CFAP300: variants seen among roughly 807,000 people sequenced by gnomAD.
The protein encoded by CFAP300 is cilia and flagella associated protein 300, also known as cilia- and flagella-associated protein 300.
In CFAP300, 32 loss-of-function variants were observed where a neutral mutation model predicts 33.0. The ratio of observed to expected loss-of-function variants is 0.97; its 90% CI spans 0.73 to 1.30. CFAP300 has a LOEUF of 1.30. CFAP300 is among the 50% of genes most tolerant of loss of function. The probability of loss-of-function intolerance (pLI) is 0.00; values close to 1 mark genes in which losing one functional copy is unlikely to be tolerated. For missense variants in CFAP300, 356 were observed against 318.1 expected (o/e 1.12, Z -0.90); for synonymous variants, 102 against 106.8 (o/e 0.95, Z 0.28).
At chr11:102,082,847 A>C (rs953075828) in intron 6 of CFAP300, among the ~76,000 whole-genome samples, 1 of 152,128 alleles carries the variant, frequency 6.6e-6, no homozygotes, top group Non-Finnish European at 1.5e-5. Flanking sequence ...AAACACAAAA[A>C]TTAGCTGGGC....
In CFAP300 at chr11:102,075,833, C is replaced by G. The variant is rs772384023; in HGVS notation, c.436-40C>G. The G allele has an allele frequency of 3.4e-6, 5 of 1,467,560 alleles. 1 individual carries two copies. The South Asian group carries it at 6.4e-5, about 19-fold the overall frequency. The allele number at this position is 1,467,560 out of a possible 1,614,324, so 90.9% of individuals were successfully genotyped here. ...AACCTTTGAAAACAAAAGTAAAAAT[C>G]TTGAGTTATGTTACATTAAGATGAA... On this transcript the variant is annotated intron_variant, in intron 4 of 6. Transcript: ENST00000434758.
intron 3 of CFAP300, among the ~76,000 whole-genome samples, chr11:102,060,144 G>A (rs555784849): frequency 2.0e-5 from 3 of 152,194 alleles, no homozygotes; most frequent in Admixed American, 2.0e-4. Context: ...GCTAATTTTT[G>A]TGTTTTTAGT....
At chr11:102,061,651 GAATA>G (rs1421354130) in intron 3 of CFAP300, among the ~76,000 whole-genome samples, 1 of 152,164 alleles carries the variant, frequency 6.6e-6, no homozygotes, top group Non-Finnish European at 1.5e-5. Context: ...TTTTACAAAT[GAATA>G]GTCAGAGGCA....
In CFAP300 at chr11:102,081,216, G is replaced by A; in HGVS notation, c.610G>A (p.Val204Ile). The A allele has an allele frequency of 6.2e-7, 1 of 1,603,770 alleles. No homozygotes were observed. The highest frequency in any genetic ancestry group is 1.7e-5 in the Admixed American group (1 of 58,596). Residue 204 changes from valine to isoleucine, a missense_variant and splice_region_variant, in exon 6 of 7, where the codon GTT (valine) becomes ATT (isoleucine). Physicochemically the swap from Val to Ile is conservative, Grantham distance 29. Coordinates refer to ENST00000434758, the MANE Select transcript of CFAP300 (RefSeq NM_032930.3). ...TKLIYKDLVS[V>I]RKNPQTKKIQ... ...AGCACCTTTTCTTCCTTTTTTTAGT[G>A]TTCGAAAGAATCCTCAAACCAAGAA...
chr11:102,052,902 G>C (rs922960519), intron 2 of CFAP300, among the ~76,000 whole-genome samples: 2 of 152,152 alleles, frequency 1.3e-5, no homozygotes, highest in Non-Finnish European at 2.9e-5. Context: ...AAGAAAAATA[G>C]ATGATTCTGA....
At chr11:102,076,733 C>A (rs965759701) in intron 5 of CFAP300, among the ~76,000 whole-genome samples, 9 of 152,276 alleles carry the variant, frequency 5.9e-5, no homozygotes, top group African/African-American at 2.2e-4. Context: ...ATTAGCTTCT[C>A]ATTGGACTCA....
intron 2 of CFAP300, among the ~76,000 whole-genome samples, chr11:102,049,240 C>G (rs529380188): frequency 6.6e-6 from 1 of 152,298 alleles, no homozygotes; most frequent in East Asian, 1.9e-4. Context: ...TGCCTTCTGG[C>G]GGTTGCCACC....
chr11:102,062,883 C>G (rs762131468), intron 3 of CFAP300, among the ~76,000 whole-genome samples: 2 of 152,190 alleles, frequency 1.3e-5, no homozygotes, highest in Admixed American at 6.5e-5. Context: ...AAAGACTCTG[C>G]TAGTTTGAAC....
chr11:102,066,716 A>G (rs1277148457), intron 4 of CFAP300, 65 bp downstream of exon 4: 2 of 1,441,998 alleles, frequency 1.4e-6, no homozygotes, highest in African/African-American at 2.9e-5. Context: ...AATGGCAAAA[A>G]CTTTGCCTGC....
At chr11:102,051,640 G>A (rs1276680813) in intron 2 of CFAP300, among the ~76,000 whole-genome samples, 2 of 152,126 alleles carry the variant, frequency 1.3e-5, no homozygotes, top group African/African-American at 2.4e-5. Context: ...CATGCTGGAT[G>A]TAAAAATTAA....
At chr11:102,050,507 A>T (rs1326195738) in intron 2 of CFAP300, among the ~76,000 whole-genome samples, 1 of 152,242 alleles carries the variant, frequency 6.6e-6, no homozygotes, top group Non-Finnish European at 1.5e-5. Context: ...AAATGGATGG[A>T]AGGAAACATT....
In CFAP300 at chr11:102,083,093, C is replaced by G; in HGVS notation, c.698C>G (p.Pro233Arg). ...CAGGATTCTGCTGGTATGTGCTATC[C>G]TTCAGCAAAGAATCATGAACAGACA... ...SAYDSAGMCY[P>R]SAKNHEQTFS... is the part of the protein sequence containing the mutation. The change falls in exon 7 of 7, where the codon CCT becomes CGT. Residue 233 changes from proline to arginine, a missense_variant. Pro to Arg is a moderately radical substitution (Grantham distance 103, BLOSUM62 -2). Coordinates refer to ENST00000434758, the MANE Select transcript of CFAP300 (RefSeq NM_032930.3). The G allele has an allele frequency of 6.6e-7, 1 of 1,522,314 alleles. No individual in the cohort carries two copies. Among genetic ancestry groups the G allele is most frequent in the Admixed American group, 1.9e-5 (1 of 51,966 alleles). 94.3% of individuals were successfully genotyped at this position (1,522,314 alleles called of 1,614,324 possible).
intron 1 of CFAP300, 48 bp from the exon 2 acceptor site, chr11:102,047,767 G>T: frequency 6.3e-7 from 1 of 1,596,698 alleles, no homozygotes; most frequent in South Asian, 1.1e-5. Context: ...GGTGCGCTCT[G>T]AGAGGGTGCC....
intron 3 of CFAP300, among the ~76,000 whole-genome samples, chr11:102,059,809 G>A (rs1315965347): frequency 1.5e-5 from 2 of 137,902 alleles, no homozygotes; most frequent in East Asian, 4.0e-4. Flanking sequence ...GCCAACCACA[G>A]GACTTTTTTT....
At position 102,083,967 on chromosome 11, in the gene CFAP300, G is replaced by C. The variant is rs1477546592; in HGVS notation, c.*768G>C. 2 of 152,146 alleles carry C rather than the reference G, an allele frequency of 1.3e-5. No individual in the cohort carries two copies. The highest frequency in any genetic ancestry group is 2.9e-5 in the Non-Finnish European group (2 of 68,092). The allele number at this position is 152,146 out of a possible 1,614,324, so 9.4% of individuals were successfully genotyped here. On this transcript the variant is annotated 3_prime_UTR_variant, in exon 7 of 7. Transcript: ENST00000434758. The stretch of plus-strand genomic sequence containing the variant: ...GGAAGTGAGGTTGCAGTGAGCCGAG[G>C]CTGTGCCACTGTACTCTAGCTCTGG...
At chr11:102,063,481 T>C (rs188903658) in intron 3 of CFAP300, among the ~76,000 whole-genome samples, 1 of 152,328 alleles carries the variant, frequency 6.6e-6, no homozygotes, top group East Asian at 1.9e-4. Flanking sequence ...CATATCCAAT[T>C]TTTATGATAT....
At chr11:102,070,716 A>G (rs1053454424) in intron 4 of CFAP300, among the ~76,000 whole-genome samples, 1 of 152,154 alleles carries the variant, frequency 6.6e-6, no homozygotes, top group African/African-American at 2.4e-5. Context: ...TAATTTTGCT[A>G]TATTCCATAG....
intron 2 of CFAP300, among the ~76,000 whole-genome samples, chr11:102,057,379 G>T (rs1565389908): frequency 6.7e-6 from 1 of 149,754 alleles, no homozygotes; most frequent in Non-Finnish European, 1.5e-5. Context: ...TTCGTTCCAT[G>T]CACCAGCAGC....
At chr11:102,072,328 T>C (rs1031723125) in intron 4 of CFAP300, among the ~76,000 whole-genome samples, 7 of 152,148 alleles carry the variant, frequency 4.6e-5, no homozygotes, top group African/African-American at 1.7e-4. Flanking sequence ...GATTTCTGTT[T>C]GGTGCTTTTT....
Sources: allele counts gnomAD v4.1 joint callset (sites outside exome capture counted in the v4.1 genomes callset), GRCh38; gene constraint gnomAD v4.1.1; transcripts MANE v1.5; gene names NCBI Gene and HGNC (gene_info 2026-07-23, HGNC 2026-07-21).